The following GRIA1 variants were observed in gnomAD, a reference collection of about 807,000 sequenced individuals.
The protein encoded by GRIA1 is glutamate ionotropic receptor AMPA type subunit 1, also known as glutamate receptor 1.
A neutral mutation model predicts 99.2 loss-of-function variants in GRIA1; 31 were observed. The observed-to-expected ratio is 0.31, with a 90% CI of 0.23 to 0.42. GRIA1 has a LOEUF of 0.42. Ranked by LOEUF, GRIA1 falls within the 10% of genes least tolerant of loss-of-function variation. GRIA1 has a pLI of 1.00. For missense variants in GRIA1, 782 were observed against 1,157.5 expected (o/e 0.68, Z 4.71); for synonymous variants, 438 against 432.4 (o/e 1.01, Z -0.16).
chr5:153,682,584 A>G (rs1478604329), intron 7 of GRIA1, among the ~76,000 whole-genome samples: 3 of 152,036 alleles, frequency 2.0e-5, no homozygotes, highest in Non-Finnish European at 4.4e-5. Context: ...ATCCTCGTCC[A>G]TCTTCAGCAA....
chr5:153,596,767 A>T (rs982261194), intron 2 of GRIA1, among the ~76,000 whole-genome samples: 1 of 152,252 alleles, frequency 6.6e-6, no homozygotes, highest in Admixed American at 6.5e-5. Flanking sequence ...CTTAGAGATT[A>T]AAATGGGTTG....
intron 11 of GRIA1, among the ~76,000 whole-genome samples, chr5:153,721,409 C>G (rs1251420573): frequency 2.0e-5 from 3 of 152,186 alleles, no homozygotes; most frequent in Non-Finnish European, 2.9e-5. Flanking sequence ...TATAAATATA[C>G]AGCCCAACTA....
intron 11 of GRIA1, among the ~76,000 whole-genome samples, chr5:153,722,483 T>C (rs1177159663): frequency 6.6e-6 from 1 of 152,216 alleles, no homozygotes; most frequent in Non-Finnish European, 1.5e-5. Context: ...TCTATAGGTA[T>C]GTGTGAGAGA....
chr5:153,787,257 C>A (rs1010599653), intron 13 of GRIA1, among the ~76,000 whole-genome samples: 5 of 152,166 alleles, frequency 3.3e-5, no homozygotes. Context: ...CTTTCCTCCC[C>A]AAGAGTTCCA....
At position 153,672,906 on chromosome 5, in the gene GRIA1, C is replaced by T. The variant is rs558638340; in HGVS notation, c.700-1594C>T. Among the ~76,000 whole-genome samples, 8 of 152,266 alleles carry T rather than the reference C, an allele frequency of 5.3e-5. No homozygotes were observed. The South Asian group carries it at 8.3e-4, about 16-fold the overall frequency. On this transcript the variant is annotated intron_variant, in intron 5 of 15. Coordinates refer to ENST00000285900, the MANE Select transcript of GRIA1 (RefSeq NM_000827.4). The stretch of plus-strand genomic sequence containing the variant: ...ATTCCTTGGGCAGTTTTCCAAGATA[C>T]GATCAATGGCATATGAGTGGAAGAT...
intron 2 of GRIA1, among the ~76,000 whole-genome samples, chr5:153,555,537 G>T (rs1026130107): frequency 1.4e-4 from 22 of 152,262 alleles, no homozygotes; most frequent in African/African-American, 5.1e-4. Context: ...CACTTCTCCT[G>T]GCAGGTATTT....
chr5:153,783,391 T>A (rs1434741046), intron 13 of GRIA1, among the ~76,000 whole-genome samples: 1 of 152,232 alleles, frequency 6.6e-6, no homozygotes, highest in Non-Finnish European at 1.5e-5. Flanking sequence ...GACAAATGCT[T>A]CTGCATTACA....
chr5:153,707,944 G>A (rs113172123), intron 11 of GRIA1, among the ~76,000 whole-genome samples: 2 of 152,274 alleles, frequency 1.3e-5, no homozygotes, highest in African/African-American at 4.8e-5. Context: ...AATCAGGCCC[G>A]TGGATAAACA....
At chr5:153,520,283 G>C (rs555821173) in intron 2 of GRIA1, among the ~76,000 whole-genome samples, 1 of 152,264 alleles carries the variant, frequency 6.6e-6, no homozygotes, top group East Asian at 1.9e-4. Flanking sequence ...AAGGTGAAGG[G>C]CACAGAGGTG....
At chr5:153,784,952 G>A (rs926064880) in intron 13 of GRIA1, among the ~76,000 whole-genome samples, 6 of 152,188 alleles carry the variant, frequency 3.9e-5, no homozygotes, top group African/African-American at 1.2e-4. Flanking sequence ...GGTTCCTACG[G>A]AGGCTCTGGT....
intron 2 of GRIA1, among the ~76,000 whole-genome samples, chr5:153,516,763 G>A (rs1374275048): frequency 5.9e-5 from 9 of 152,142 alleles, no homozygotes; most frequent in Non-Finnish European, 1.2e-4. Context: ...GCATGGGGGC[G>A]TATTGTGATG....
chr5:153,614,665 A>G (rs1256221419), intron 2 of GRIA1, among the ~76,000 whole-genome samples: 1 of 152,212 alleles, frequency 6.6e-6, no homozygotes, highest in South Asian at 2.1e-4. Context: ...TGAAAAATAT[A>G]CCTTAATCAA....
intron 2 of GRIA1, among the ~76,000 whole-genome samples, chr5:153,619,562 A>G (rs1002892680): frequency 6.6e-6 from 1 of 152,174 alleles, no homozygotes. Flanking sequence ...ACATAATGGA[A>G]GGCATGGGGT....
intron 2 of GRIA1, among the ~76,000 whole-genome samples, chr5:153,526,665 TTAA>T (rs1375272649): frequency 6.6e-6 from 1 of 152,238 alleles, no homozygotes; most frequent in Non-Finnish European, 1.5e-5. Flanking sequence ...ATTTGGTATG[TTAA>T]AAATACTGTT....
intron 2 of GRIA1, among the ~76,000 whole-genome samples, chr5:153,518,244 C>T (rs1756812120): frequency 6.6e-6 from 1 of 151,284 alleles, no homozygotes; most frequent in Admixed American, 6.6e-5. Flanking sequence ...AACTTTGAAG[C>T]TTTTTTTTTA....
chr5:153,615,629 G>A (rs1388033845), intron 2 of GRIA1, among the ~76,000 whole-genome samples: 1 of 152,188 alleles, frequency 6.6e-6, no homozygotes, highest in African/African-American at 2.4e-5. Context: ...GGGCAACAAA[G>A]CAAGATCCTG....
At chr5:153,751,694 C>A (rs1021036955) in intron 11 of GRIA1, among the ~76,000 whole-genome samples, 4 of 152,230 alleles carry the variant, frequency 2.6e-5, no homozygotes, top group Admixed American at 2.6e-4. Flanking sequence ...TAAAGGCCTG[C>A]AATGAATCCT....
At chr5:153,746,549 CA>C (rs1429786392) in intron 11 of GRIA1, among the ~76,000 whole-genome samples, 11 of 152,192 alleles carry the variant, frequency 7.2e-5, no homozygotes, top group African/African-American at 2.6e-4. Context: ...TATGTTTGGC[CA>C]CAGATGACAA....
chr5:153,531,343 C>T (rs4958659), intron 2 of GRIA1, among the ~76,000 whole-genome samples: 3 of 151,432 alleles, frequency 2.0e-5, no homozygotes, highest in Non-Finnish European at 4.4e-5. Flanking sequence ...TCTTCTCTTT[C>T]AGCCCTCTAC....
Sources: allele counts gnomAD v4.1 joint callset (sites outside exome capture counted in the v4.1 genomes callset), GRCh38; gene constraint gnomAD v4.1.1; transcripts MANE v1.5; gene names NCBI Gene and HGNC (gene_info 2026-07-23, HGNC 2026-07-21).